TEX14: variants seen among roughly 807,000 people sequenced by gnomAD.
TEX14 encodes the protein inactive serine/threonine-protein kinase TEX14.
A neutral mutation model predicts 178.6 loss-of-function variants in TEX14; 168 were observed. The ratio of observed to expected loss-of-function variants is 0.94; its 90% CI spans 0.83 to 1.07. TEX14 has a LOEUF of 1.07. TEX14 is among the 50% of genes least tolerant of loss of function. The pLI, the probability that TEX14 is intolerant of heterozygous loss-of-function variation, is 0.00. For synonymous variants in TEX14, 626 were observed against 634.1 expected, an observed-to-expected ratio of 0.99 and a Z score of 0.19; for missense variants, 1,730 against 1,753.6, an observed-to-expected ratio of 0.99 and a Z score of 0.24.
intron 15 of TEX14, among the ~76,000 whole-genome samples, chr17:58,592,781 C>T (rs1186071472): frequency 3.3e-5 from 5 of 151,914 alleles, no homozygotes; most frequent in South Asian, 2.1e-4. Flanking sequence ...TCAAGTGATC[C>T]GCCCACCTTG....
At chr17:58,590,476 A>G (rs1329481122) in intron 15 of TEX14, among the ~76,000 whole-genome samples, 1 of 152,160 alleles carries the variant, frequency 6.6e-6, no homozygotes, top group African/African-American at 2.4e-5. Flanking sequence ...GTCCCTATTC[A>G]TAACAGAATA....
chr17:58,673,996 G>A (rs1374525797), intron 1 of TEX14, among the ~76,000 whole-genome samples: 17 of 152,120 alleles, frequency 1.1e-4, no homozygotes, highest in Non-Finnish European at 1.9e-4. Flanking sequence ...ACCCTGGGCC[G>A]GGTGCGGTGT....
At chr17:58,629,456 GAA>G (rs969535540) in intron 3 of TEX14, among the ~76,000 whole-genome samples, 7 of 79,772 alleles carry the variant, frequency 8.8e-5, no homozygotes, top group African/African-American at 1.4e-4. Context: ...CATGTGTCAG[GAA>G]AAAAAAAAAA....
At chr17:58,564,790 T>C in intron 28 of TEX14, 79 bp downstream of exon 28, 1 of 828,122 alleles carries the variant, frequency 1.2e-6, no homozygotes, top group East Asian at 2.8e-5. Context: ...TTCTTTCTTA[T>C]TTGTCAATAT....
chr17:58,658,916 A>G (rs1349352314), intron 1 of TEX14, among the ~76,000 whole-genome samples: 1 of 151,634 alleles, frequency 6.6e-6, no homozygotes, highest in Non-Finnish European at 1.5e-5. Flanking sequence ...TTCCCACCTC[A>G]GTCTCCCGAG....
chr17:58,661,660 G>A (rs1476586361), intron 1 of TEX14: 2 of 628,066 alleles, frequency 3.2e-6, no homozygotes, highest in African/African-American at 3.7e-5. Context: ...TAAAGATTCT[G>A]GCGTAGATTT....
rs377246057 is a variant in TEX14 at position 58,569,328 on chromosome 17, C to T, written c.3818-68G>A. ...TCCTGGACCTGAACTGAATTTTTCT[C>T]GGCTCTCACATAGACTTGACTGAGG... On this transcript the variant is annotated intron_variant, in intron 25 of 31. Transcript: ENST00000349033. This position sits in a 1 kb window ranked among gnomAD's most constrained non-coding sequence, Gnocchi z 4.1. 28 of 1,238,738 alleles carry T rather than the reference C, an allele frequency of 2.3e-5. No homozygotes were observed. The highest frequency in any genetic ancestry group is 3.5e-5 in the Admixed American group (2 of 56,610). The allele number at this position is 1,238,738 out of a possible 1,614,324, so 76.7% of individuals were successfully genotyped here.
chr17:58,659,315 A>C (rs189688278), intron 1 of TEX14: 1 of 979,906 alleles, frequency 1.0e-6, no homozygotes, highest in Non-Finnish European at 1.2e-6. Flanking sequence ...TTATTTACTT[A>C]ATATTGCTAA....
rs1228763368 is a variant in TEX14, at chr17:58,611,203, G to C, written c.1142C>G (p.Pro381Arg). 1 of 1,613,934 alleles carries C rather than the reference G, an allele frequency of 6.2e-7. No individual in the cohort carries two copies. The highest frequency in any genetic ancestry group is 8.5e-7 in the Non-Finnish European group (1 of 1,179,848). ...LSSYAVHIIS[P>R]GEARLTNLEY... The stretch of plus-strand genomic sequence containing the variant: ...CAGGTTGGTCAGCCTCGCTTCACCT[G>C]GGGAGATGATATGGACAGCATAGGA... Residue 381 changes from proline (P) to arginine (R), a missense_variant, in exon 10 of 32, where the codon CCA becomes CGA. Physicochemically the swap from Pro to Arg is moderately radical, Grantham distance 103. This residue lies in a region of TEX14 where 789 missense variants were observed against 681.2 expected (regional missense o/e 1.16). Transcript: ENST00000349033.
intron 31 of TEX14, among the ~76,000 whole-genome samples, chr17:58,557,293 C>A (rs565354910): frequency 4.0e-5 from 6 of 148,554 alleles, no homozygotes; most frequent in African/African-American, 5.0e-5. Context: ...TTTTTTGAGA[C>A]GGAGTCTTGC....
At chr17:58,563,473 C>G (rs12150536) in intron 28 of TEX14, among the ~76,000 whole-genome samples, 1 of 150,842 alleles carries the variant, frequency 6.6e-6, no homozygotes, top group African/African-American at 2.4e-5. Flanking sequence ...GAGAAAATAA[C>G]AACAAATAAC....
intron 10 of TEX14, 81 bp downstream of exon 10, chr17:58,611,080 C>A: frequency 1.9e-6 from 2 of 1,026,148 alleles, no homozygotes; most frequent in Non-Finnish European, 3.0e-6. Flanking sequence ...GAGTCCCACC[C>A]AGATCAGATT....
chr17:58,623,644 G>T (rs1052503345), intron 3 of TEX14, among the ~76,000 whole-genome samples: 2 of 152,204 alleles, frequency 1.3e-5, no homozygotes, highest in Non-Finnish European at 2.9e-5. Context: ...ATGATGTATA[G>T]CCTTAGTTTC....
chr17:58,679,110 C>T (rs1467411864), intron 1 of TEX14, among the ~76,000 whole-genome samples: 1 of 151,836 alleles, frequency 6.6e-6, no homozygotes, highest in Non-Finnish European at 1.5e-5. Flanking sequence ...GCTGAGATTG[C>T]GCCATTGTAC....
At chr17:58,579,501 G>A (rs148694577) in intron 20 of TEX14, among the ~76,000 whole-genome samples, 164 bp downstream of exon 20, 35 of 152,338 alleles carry the variant, frequency 2.3e-4, no homozygotes, top group Admixed American at 2.3e-3. Context: ...GAAGGGATTT[G>A]TTCTATTGAG....
intron 8 of TEX14, 108 bp downstream of exon 8, chr17:58,615,124 G>T: frequency 1.5e-6 from 1 of 650,198 alleles, no homozygotes; most frequent in Non-Finnish European, 2.7e-6. Flanking sequence ...GAAATGCTGA[G>T]ACTGAGAGCA....
intron 21 of TEX14, among the ~76,000 whole-genome samples, chr17:58,576,085 G>T (rs1286879833): frequency 6.6e-6 from 1 of 152,196 alleles, no homozygotes; most frequent in Non-Finnish European, 1.5e-5. Flanking sequence ...GAGGCCCAGA[G>T]AGAATAAAAT....
intron 1 of TEX14, among the ~76,000 whole-genome samples, chr17:58,685,225 G>A (rs1467451093): frequency 6.6e-6 from 1 of 151,990 alleles, no homozygotes; most frequent in African/African-American, 2.4e-5. Context: ...CCTGAGGTCA[G>A]GAGTTCAAGA....
At chr17:58,628,945 C>G (rs1403746899) in intron 3 of TEX14, among the ~76,000 whole-genome samples, 2 of 151,440 alleles carry the variant, frequency 1.3e-5, no homozygotes, top group Non-Finnish European at 2.9e-5. Context: ...GTACATTAAA[C>G]AGAGCCTCCT....
Sources: allele counts gnomAD v4.1 joint callset (sites outside exome capture counted in the v4.1 genomes callset), GRCh38; gene constraint gnomAD v4.1.1; regional missense constraint gnomAD v4.1.1; non-coding constraint Gnocchi (gnomAD v3.1); transcripts MANE v1.5; gene names NCBI Gene and HGNC (gene_info 2026-07-23, HGNC 2026-07-21).